Variants in GPHN observed in about 807,000 individuals in gnomAD.
GPHN encodes the protein gephyrin.
In GPHN, 17 loss-of-function variants were observed where a neutral mutation model predicts 95.5. The observed-to-expected ratio is 0.18, with a 90% CI of 0.12 to 0.27. The LOEUF (loss-of-function observed/expected upper bound fraction) is 0.27. Ranked by LOEUF, GPHN falls within the 10% of genes least tolerant of loss-of-function variation. The pLI is 1.00. For synonymous variants in GPHN, 320 were observed against 322.5 expected (o/e 0.99, Z 0.08); for missense variants, 660 against 978.1 (o/e 0.67, Z 4.34).
the GPHN span, among the ~76,000 whole-genome samples, chr14:67,349,528 A>T: frequency 6.6e-6 from 1 of 152,162 alleles, no homozygotes; most frequent in Non-Finnish European, 1.5e-5. Context: ...GTGACTTCTC[A>T]AATGTTACCA....
chr14:67,064,260 G>C (rs1050329042), intron 11 of GPHN, among the ~76,000 whole-genome samples: 19 of 152,132 alleles, frequency 1.2e-4, no homozygotes, highest in African/African-American at 4.3e-4. Flanking sequence ...TTTTGAACCA[G>C]CCTTTCATCT....
chr14:67,199,808 C>T, the GPHN span: 1 of 1,511,052 alleles, frequency 6.6e-7, no homozygotes, highest in African/African-American at 1.4e-5. Flanking sequence ...AGTGCTGCCT[C>T]CTGGAGCCCT....
Position 67,122,360 on chromosome 14 carries a change from G to C in GPHN, c.1731G>C (p.Leu577Phe), listed in dbSNP as rs1489001040. The change falls in exon 17 of 23, where the codon TTG becomes TTC. Residue 577 changes from leucine (L) to phenylalanine (F), a missense_variant. This residue lies in a region of GPHN where 257 missense variants were observed against 376.2 expected (regional missense o/e 0.68). Transcript: ENST00000478722. ...AACATGGTTACCCCACGATCAACTTGGGTATTGTAGGAGACAAGTAAGTAT... is the reference window on the plus strand; with the variant it reads ...AACATGGTTACCCCACGATCAACTTCGGTATTGTAGGAGACAAGTAAGTAT... ...IQEHGYPTIN[L>F]GIVGDNPDDL... is the part of the protein sequence containing the mutation. 8.7e-6 allele frequency: 14 copies of C among 1,613,066 alleles called. No homozygotes were observed. The highest frequency in any genetic ancestry group is 1.2e-5 in the Non-Finnish European group (14 of 1,179,262).
the GPHN span, among the ~76,000 whole-genome samples, chr14:67,628,802 A>T: frequency 3.3e-5 from 5 of 152,368 alleles, no homozygotes; most frequent in South Asian, 1.0e-3. Flanking sequence ...TGGAGCTGCT[A>T]TGGAAAACGG....
the GPHN span, chr14:67,592,324 C>A: frequency 4.6e-6 from 2 of 435,446 alleles, no homozygotes; most frequent in African/African-American, 2.1e-5. Context: ...CCTGTAGTCC[C>A]AAGTTCTCAG....
the GPHN span, among the ~76,000 whole-genome samples, chr14:67,297,783 TTAAA>T: frequency 6.6e-6 from 1 of 152,234 alleles, no homozygotes; most frequent in Non-Finnish European, 1.5e-5. Context: ...ATTGAATTCA[TTAAA>T]TATTTCAGTG....
At chr14:67,072,264 A>G (rs139427140) in intron 11 of GPHN, among the ~76,000 whole-genome samples, 2 of 152,290 alleles carry the variant, frequency 1.3e-5, no homozygotes, top group Non-Finnish European at 2.9e-5. Flanking sequence ...AGGATCTCCA[A>G]TATTTTTAGA....
chr14:67,381,726 C>A, the GPHN span: 1 of 1,395,108 alleles, frequency 7.2e-7, no homozygotes, highest in Non-Finnish European at 1.0e-6. Context: ...TGCTGAAATG[C>A]TCACCTAAAC....
intron 3 of GPHN, among the ~76,000 whole-genome samples, chr14:66,798,016 G>T (rs1049810997): frequency 2.0e-5 from 3 of 151,690 alleles, no homozygotes; most frequent in South Asian, 4.1e-4. Context: ...TCAGTTTTTT[G>T]ATGGCTTTTA....
chr14:67,509,962 A>G, the GPHN span, among the ~76,000 whole-genome samples: 2 of 152,158 alleles, frequency 1.3e-5, no homozygotes, highest in Non-Finnish European at 2.9e-5. Flanking sequence ...GTGAGCTATG[A>G]TTGTGCCACT....
At chr14:67,118,497 G>A (rs2078820622) in intron 16 of GPHN, among the ~76,000 whole-genome samples, 1 of 152,140 alleles carries the variant, frequency 6.6e-6, no homozygotes, top group African/African-American at 2.4e-5. Context: ...AAGCCTAGGC[G>A]GGTGGATCAC....
intron 2 of GPHN, among the ~76,000 whole-genome samples, chr14:66,720,359 G>A (rs2153427298): frequency 6.6e-6 from 1 of 152,300 alleles, no homozygotes; most frequent in African/African-American, 2.4e-5. Context: ...TTCGAGACCA[G>A]CCTGGCCAAC....
At chr14:67,540,648 C>G in the GPHN span, among the ~76,000 whole-genome samples, 1 of 151,718 alleles carries the variant, frequency 6.6e-6, no homozygotes, top group African/African-American at 2.4e-5. Context: ...AAAATTATCA[C>G]CCTAAAAAAT....
At chr14:67,480,295 C>A in the GPHN span, among the ~76,000 whole-genome samples, 1 of 152,082 alleles carries the variant, frequency 6.6e-6, no homozygotes, top group African/African-American at 2.4e-5. Context: ...CCCTGAGCAC[C>A]AAGCTAGCGA....
At chr14:67,226,358 G>GTT in the GPHN span, among the ~76,000 whole-genome samples, 1 of 145,170 alleles carries the variant, frequency 6.9e-6, no homozygotes, top group African/African-American at 2.6e-5. Flanking sequence ...CAACCAGCTA[G>GTT]TTTTTTTTGT....
intron 1 of GPHN, among the ~76,000 whole-genome samples, chr14:66,667,683 C>G (rs1363520692): frequency 2.0e-5 from 3 of 151,908 alleles, no homozygotes; most frequent in Admixed American, 1.3e-4. Context: ...GTGTAAAACC[C>G]GAAACTATAA....
chr14:66,849,160 G>A (rs912286689), intron 4 of GPHN, among the ~76,000 whole-genome samples: 2 of 151,846 alleles, frequency 1.3e-5, no homozygotes, highest in African/African-American at 4.8e-5. Context: ...TTTGAACTAG[G>A]TAGTCTTTAC....
At chr14:66,726,142 T>C (rs899009183) in intron 2 of GPHN, among the ~76,000 whole-genome samples, 1 of 152,198 alleles carries the variant, frequency 6.6e-6, no homozygotes, top group Admixed American at 6.5e-5. Context: ...AGTAAACACT[T>C]TTTTGCAAGG....
At chr14:67,063,285 G>T (rs538998595) in intron 11 of GPHN, among the ~76,000 whole-genome samples, 2 of 152,190 alleles carry the variant, frequency 1.3e-5, no homozygotes, top group Admixed American at 1.3e-4. Context: ...TGTTCCATTG[G>T]TCTATATATC....
Sources: gnomAD v4.1 joint callset for allele counts (sites outside exome capture counted in the v4.1 genomes callset) on GRCh38, gnomAD v4.1.1 for gene constraint, gnomAD v4.1.1 regional missense constraint, MANE v1.5 for transcripts, NCBI Gene and HGNC (gene_info 2026-07-23, HGNC 2026-07-21) for gene names.